Variants in BYSL observed in about 807,000 individuals in gnomAD.
BYSL encodes the protein bystin.
Under a neutral mutation model 45.4 loss-of-function variants are expected in BYSL, and 21 were observed. The ratio of observed to expected loss-of-function variants is 0.46; its 90% CI spans 0.33 to 0.67. The LOEUF is 0.67. Ranked by LOEUF, BYSL falls within the 30% of genes least tolerant of loss-of-function variation. The pLI, the probability that BYSL is intolerant of heterozygous loss-of-function variation, is 0.02. For synonymous variants in BYSL, 215 were observed against 231.3 expected, an observed-to-expected ratio of 0.93 and a Z score of 0.64; for missense variants, 522 against 578.5, an observed-to-expected ratio of 0.90 and a Z score of 1.00.
chr6:41,924,065 C>CT (rs530503405), intron 1 of BYSL, among the ~76,000 whole-genome samples: 10,258 of 143,246 alleles, frequency 0.072, 632 homozygotes, highest in African/African-American at 0.16. Flanking sequence ...TAGTACTTAT[C>CT]TTTTTTTTTT....
At chr6:41,920,918 C>A, upstream of BYSL, 1 of 1,529,044 alleles carries the variant, frequency 6.5e-7, no homozygotes. Context: ...CCCTCAGCTC[C>A]CAGAGGACGG....
Position 41,932,255 on chromosome 6 carries a change from G to A in BYSL, c.969-106G>A, listed in dbSNP as rs1182820054. On this transcript the variant is annotated intron_variant, in intron 6 of 6. Transcript: ENST00000230340. This position sits in a 1 kb window ranked among gnomAD's most constrained non-coding sequence, Gnocchi z 4.7. ...GTCCCTGGGGAATACCATAGTGTAA[G>A]GGCCAGCAGAGGGGAAGAAAAAAAG... 3.7e-5 allele frequency: 40 copies of A among 1,091,588 alleles called. 1 individual carries two copies. The highest frequency in any genetic ancestry group is 5.2e-5 in the Non-Finnish European group (39 of 744,660). 67.6% of individuals were successfully genotyped at this position (1,091,588 alleles called of 1,614,324 possible).
chr6:41,921,438 C>T (rs542915695), upstream of BYSL: 167 of 1,369,104 alleles, frequency 1.2e-4, no homozygotes, highest in Non-Finnish European at 1.6e-4. Context: ...TTCTGGCCTC[C>T]GAATGCTAGG....
Position 41,930,179 on chromosome 6 carries a change from C to G in BYSL, c.479C>G (p.Thr160Arg), listed in dbSNP as rs1775617243. ...ATGGAGAAGCTGACTGAGAAGCAGA[C>G]AGAGGTTGAGACAGTCATGTCAGAG... ...IIMEKLTEKQ[T>R]EVETVMSEVS... The change falls in exon 3 of 7, where the codon ACA (threonine) becomes AGA (arginine). Residue 160 changes from threonine (T) to arginine (R), a missense_variant. By Grantham distance (71) the Thr-to-Arg change is moderately conservative. Transcript: ENST00000230340. The G allele has an allele frequency of 6.2e-7, 1 of 1,614,162 alleles. No homozygotes were observed. Among genetic ancestry groups the G allele is most frequent in the African/African-American group, 1.3e-5 (1 of 75,034 alleles).
Position 41,921,709 on chromosome 6 carries a change from T to C in BYSL, c.147T>C (p.Tyr49=). ...GGACAGGAGAAGCGGAGGAAGAGTA[T>C]GTGGGGCCCCGGCTGAGCCGACGGA... ...GRGTGEAEEE[Y]VGPRLSRRIL... is the part of the protein sequence containing the mutation. The change falls in exon 1 of 7, where the codon TAT becomes TAC. Residue 49 remains tyrosine, a synonymous_variant. Transcript: ENST00000230340. The C allele has an allele frequency of 6.2e-7, 1 of 1,612,974 alleles. No individual in the cohort carries two copies. The highest frequency in any genetic ancestry group is 8.5e-7 in the Non-Finnish European group (1 of 1,179,700).
At chr6:41,916,115 G>C in the BYSL span, among the ~76,000 whole-genome samples, 1 of 151,984 alleles carries the variant, frequency 6.6e-6, no homozygotes, top group Non-Finnish European at 1.5e-5. Context: ...AGGCGTGGTG[G>C]CTCATGCCTG....
chr6:41,917,924 CA>C (rs1370625410), upstream of BYSL: 3 of 276,358 alleles, frequency 1.1e-5, no homozygotes, highest in South Asian at 3.1e-5. Flanking sequence ...GCCCTAGGAA[CA>C]AAAAAAGAAA....
chr6:41,920,579 A>G (rs2127382883), upstream of BYSL, among the ~76,000 whole-genome samples: 1 of 152,274 alleles, frequency 6.6e-6, no homozygotes, highest in South Asian at 2.1e-4. Flanking sequence ...TGTCGACACC[A>G]GCGTGGCCAA....
chr6:41,932,529 C>T lies in BYSL; in HGVS notation c.1137C>T (p.His379=), dbSNP rs1162540700. The change falls in exon 7 of 7, where the codon CAC becomes CAT. Residue 379 remains histidine, a synonymous_variant. Coordinates refer to ENST00000230340, the MANE Select transcript of BYSL (RefSeq NM_004053.4). The surrounding 1 kb of genome is among the most constrained non-coding windows in gnomAD (Gnocchi z 4.7). ...TEKRELPVLW[H]QCLLTLVQRY... is the part of the protein sequence containing the mutation. ...AGCGTGAACTGCCTGTGCTGTGGCA[C>T]CAGTGCCTCCTGACTTTGGTCCAGC... 1.2e-6 allele frequency: 2 copies of T among 1,614,218 alleles called. No homozygotes were observed. Among genetic ancestry groups the T allele is most frequent in the Admixed American group, 3.3e-5 (2 of 60,038 alleles).
intron 2 of BYSL, among the ~76,000 whole-genome samples, chr6:41,929,899 A>G (rs1775613031): frequency 6.6e-6 from 1 of 152,244 alleles, no homozygotes; most frequent in Non-Finnish European, 1.5e-5. Context: ...TAACCTCCGT[A>G]CAACTGCTAG....
intron 1 of BYSL, 82 bp downstream of exon 1, chr6:41,921,912 A>G (rs911675929): frequency 2.8e-5 from 41 of 1,484,112 alleles, no homozygotes; most frequent in Non-Finnish European, 3.2e-5. Flanking sequence ...CTGGCAGGGG[A>G]ATTGCTTCGA....
In BYSL at chr6:41,930,277, GCTGAGAGGGGAGCCATGGTGGAAGAC is replaced by G; in HGVS notation, c.570+9_570+34del. On this transcript the variant is annotated splice_region_variant and intron_variant, in intron 3 of 6. Transcript: ENST00000230340. ...GTACAGGGGGGTCCGGGAGGTAAGA[GCTGAGAGGGGAGCCATGGTGGAAGAC>G]CCCTTTGGGGGCTGTGGGCTCCTGC... The G allele has an allele frequency of 6.2e-7, 1 of 1,612,714 alleles. No individual in the cohort carries two copies. The highest frequency in any genetic ancestry group is 2.2e-5 in the East Asian group (1 of 44,856).
At chr6:41,914,207 G>A in the BYSL span, among the ~76,000 whole-genome samples, 1 of 152,170 alleles carries the variant, frequency 6.6e-6, no homozygotes, top group Non-Finnish European at 1.5e-5. Flanking sequence ...GTTGTCGGAG[G>A]CAGGAATGAG....
chr6:41,930,878 GC>G, intron 4 of BYSL, 110 bp downstream of exon 4: 1 of 1,413,250 alleles, frequency 7.1e-7, no homozygotes, highest in Non-Finnish European at 9.4e-7. Flanking sequence ...TTGCCCCAGG[GC>G]CCTCTCTGTG....
chr6:41,918,657 C>CA (rs574508881), upstream of BYSL, among the ~76,000 whole-genome samples: 611 of 147,874 alleles, frequency 4.1e-3, 5 homozygotes, highest in Middle Eastern at 0.011. Flanking sequence ...ACCAAAAATA[C>CA]AAAAAAATGG....
At chr6:41,921,244 G>T, upstream of BYSL, 1 of 650,708 alleles carries the variant, frequency 1.5e-6, no homozygotes, top group Non-Finnish European at 2.6e-6. Flanking sequence ...CCCGCCCCGA[G>T]GTTTCTAAAT....
chr6:41,923,604 TTTAA>T (rs1234705002), intron 1 of BYSL, among the ~76,000 whole-genome samples: 2 of 152,162 alleles, frequency 1.3e-5, no homozygotes, highest in Non-Finnish European at 2.9e-5. Context: ...CCGCTAATTA[TTTAA>T]TTATTTGTAG....
intron 6 of BYSL, 146 bp downstream of exon 6, chr6:41,931,976 AT>A: frequency 1.3e-6 from 1 of 764,598 alleles, no homozygotes; most frequent in Non-Finnish European, 2.2e-6. Context: ...GTGTATCATT[AT>A]CCCCCTCAAT....
Position 41,932,572 on chromosome 6 carries a change from G to A in BYSL, c.1180G>A (p.Ala394Thr), listed in dbSNP as rs1215018448. ...GGTCCAGCGCTACAAGGCCGACTTG[G>A]CCACAGACCAGAAAGAGGCCCTCTT... ...TLVQRYKADL[A>T]TDQKEALLEL... Residue 394 changes from alanine (A) to threonine (T), a missense_variant, in exon 7 of 7, where the codon GCC becomes ACC. Coordinates refer to ENST00000230340, the MANE Select transcript of BYSL (RefSeq NM_004053.4). The surrounding 1 kb of genome is among the most constrained non-coding windows in gnomAD (Gnocchi z 4.7). 6.2e-7 allele frequency: 1 copy of A among 1,614,188 alleles called. No individual in the cohort carries two copies. Among genetic ancestry groups the A allele is most frequent in the Non-Finnish European group, 8.5e-7 (1 of 1,180,038 alleles).
Sources: allele counts gnomAD v4.1 joint callset (sites outside exome capture counted in the v4.1 genomes callset), GRCh38; gene constraint gnomAD v4.1.1; non-coding constraint Gnocchi (gnomAD v3.1); transcripts MANE v1.5; gene names NCBI Gene and HGNC (gene_info 2026-07-23, HGNC 2026-07-21).